ARFGEF3: variants seen among roughly 807,000 people sequenced by gnomAD.
ARFGEF3 encodes brefeldin A-inhibited guanine nucleotide-exchange protein 3.
ARFGEF3 carries 96 observed loss-of-function variants against 221.7 expected under a neutral mutation model. The ratio of observed to expected loss-of-function variants is 0.43; its 90% CI spans 0.37 to 0.51. The LOEUF is 0.51. ARFGEF3 is among the 20% of genes least tolerant of loss of function. ARFGEF3 has a pLI of 0.00. For missense variants in ARFGEF3, 2,410 were observed against 2,789.9 expected, an observed-to-expected ratio of 0.86 and a Z score of 3.07; for synonymous variants, 1,145 against 1,126.8, an observed-to-expected ratio of 1.02 and a Z score of -0.32.
Position 138,170,677 on chromosome 6 carries a change from T to G in ARFGEF3, c.101T>G (p.Leu34Arg), listed in dbSNP as rs1776810588. 6.3e-7 allele frequency: 1 copy of G among 1,583,532 alleles called. No homozygotes were observed. Among genetic ancestry groups the G allele is most frequent in the African/African-American group, 1.3e-5 (1 of 74,228 alleles). ...CTWALETLGG[L>R]DTIVKIPPHV... Reference sequence around the variant, plus strand: ...TCTTTTGCAGAAACTCTAGGTGGTCTGGATACCATTGTCAAGATCCCTCCA... The same window carrying G: ...TCTTTTGCAGAAACTCTAGGTGGTCGGGATACCATTGTCAAGATCCCTCCA... The change falls in exon 2 of 34, where the codon CTG (leucine) becomes CGG (arginine). Residue 34 changes from leucine to arginine, a missense_variant. This residue lies in a region of ARFGEF3 where 570 missense variants were observed against 586.9 expected (regional missense o/e 0.97). Coordinates refer to ENST00000251691, the MANE Select transcript of ARFGEF3 (RefSeq NM_020340.5).
intron 3 of ARFGEF3, 116 bp from the exon 4 acceptor site, chr6:138,209,794 C>T (rs1583012199): frequency 7.6e-7 from 1 of 1,313,550 alleles, no homozygotes; most frequent in Non-Finnish European, 1.1e-6. Context: ...TCTTAATGGC[C>T]TCCAGCTACA....
Position 138,340,785 on chromosome 6 carries a change from A to G in ARFGEF3, c.*4299A>G, listed in dbSNP as rs1208740972. On this transcript the variant is annotated 3_prime_UTR_variant, in exon 34 of 34. Transcript: ENST00000251691. ...TCAAGGGCCATACTCTCTCTCTGACAACATGCTCTAAGTCCATAGAGTAAG... is the reference window on the plus strand; with the variant it reads ...TCAAGGGCCATACTCTCTCTCTGACGACATGCTCTAAGTCCATAGAGTAAG... 3 of 152,210 alleles carry G rather than the reference A, an allele frequency of 2.0e-5. No individual in the cohort carries two copies. The highest frequency in any genetic ancestry group is 4.4e-5 in the Non-Finnish European group (3 of 68,040). The allele number at this position is 152,210 out of a possible 1,614,324, so 9.4% of individuals were successfully genotyped here. A position where few individuals can be genotyped will look rare whatever the true frequency, so the allele number is the denominator to read the frequency against.
In ARFGEF3 at chr6:138,190,048, C is replaced by T. The variant is rs183106863; in HGVS notation, c.138-16994C>T. On this transcript the variant is annotated intron_variant, in intron 2 of 33. Coordinates refer to ENST00000251691, the MANE Select transcript of ARFGEF3 (RefSeq NM_020340.5). ...GCAGTGAACCATGATTGAGCCACTG[C>T]ACTCTAACCTGGGCAACAGGACAAG... 9.6e-4 allele frequency among the ~76,000 whole-genome samples: 142 copies of T among 148,390 alleles called. 1 individual carries two copies. The highest frequency in any genetic ancestry group is 1.5e-3 in the Admixed American group (23 of 14,964).
chr6:138,170,475 G>A (rs1349424583), intron 1 of ARFGEF3, among the ~76,000 whole-genome samples, 187 bp from the exon 2 acceptor site: 1 of 152,170 alleles, frequency 6.6e-6, no homozygotes, highest in African/African-American at 2.4e-5. Context: ...AAGGTCCAGG[G>A]AAATCTCTGG....
chr6:138,294,641 T>G (rs1286711901), intron 20 of ARFGEF3, among the ~76,000 whole-genome samples: 2 of 152,194 alleles, frequency 1.3e-5, no homozygotes, highest in Non-Finnish European at 2.9e-5. Flanking sequence ...CCCTGTTGTC[T>G]CCAATGAGGC....
chr6:138,165,540 C>T (rs36051223), intron 1 of ARFGEF3, among the ~76,000 whole-genome samples: 7,117 of 151,136 alleles, frequency 0.047, 241 homozygotes, highest in Non-Finnish European at 0.077. Context: ...CCTCTGAGAC[C>T]CTCATGAGAG....
intron 5 of ARFGEF3, among the ~76,000 whole-genome samples, chr6:138,230,834 CTG>C (rs1778178952): frequency 1.3e-5 from 2 of 152,136 alleles, no homozygotes; most frequent in Admixed American, 6.5e-5. Context: ...TATGTATACT[CTG>C]TATTTGTTTT....
At chr6:138,288,984 A>G (rs1779349135) in intron 17 of ARFGEF3, among the ~76,000 whole-genome samples, 2 of 151,150 alleles carry the variant, frequency 1.3e-5, no homozygotes, top group African/African-American at 4.9e-5. Flanking sequence ...ACCGAGTTTC[A>G]CTCTTGTTGC....
At chr6:138,326,361 T>A (rs1228908334) in intron 31 of ARFGEF3, among the ~76,000 whole-genome samples, 1 of 152,128 alleles carries the variant, frequency 6.6e-6, no homozygotes, top group African/African-American at 2.4e-5. Flanking sequence ...GGCAGGAGGA[T>A]TGCTTGAGCC....
At position 138,210,002 on chromosome 6, in the gene ARFGEF3, G is replaced by T. The variant is rs769362995; in HGVS notation, c.312G>T (p.Thr104=). Residue 104 remains threonine (T), a synonymous_variant, in exon 4 of 34, where the codon ACG becomes ACT. Transcript: ENST00000251691. Reference sequence around the variant, plus strand: ...AGATACTGAATGCCGTGAAAGTGACGCCTTCGCTCAACGAGGACCTGCAGG... The same window carrying T: ...AGATACTGAATGCCGTGAAAGTGACTCCTTCGCTCAACGAGGACCTGCAGG... ...LNQILNAVKV[T]PSLNEDLQVE... is the part of the protein sequence containing the mutation. 1.2e-6 allele frequency: 2 copies of T among 1,613,808 alleles called. No individual in the cohort carries two copies. The highest frequency in any genetic ancestry group is 8.5e-7 in the Non-Finnish European group (1 of 1,179,786).
intron 3 of ARFGEF3, among the ~76,000 whole-genome samples, chr6:138,208,969 G>C (rs1777671026): frequency 6.6e-6 from 1 of 152,132 alleles, no homozygotes; most frequent in African/African-American, 2.4e-5. Context: ...TGAAGGAGTA[G>C]AAGTTGTGGG....
At chr6:138,272,776 G>GT (rs1779028249) in intron 12 of ARFGEF3, among the ~76,000 whole-genome samples, 1 of 152,256 alleles carries the variant, frequency 6.6e-6, no homozygotes, top group Non-Finnish European at 1.5e-5. Context: ...GTTGCTGAGA[G>GT]TGGGTGTAAG....
At chr6:138,173,994 A>T (rs1006034352) in intron 2 of ARFGEF3, among the ~76,000 whole-genome samples, 4 of 152,234 alleles carry the variant, frequency 2.6e-5, no homozygotes, top group Admixed American at 6.5e-5. Context: ...TCTATCAAGC[A>T]TTCTTGTACA....
Position 138,255,546 on chromosome 6 carries a change from C to G in ARFGEF3, c.881C>G (p.Ala294Gly), listed in dbSNP as rs778211953. 7 of 1,613,928 alleles carry G rather than the reference C, an allele frequency of 4.3e-6. No homozygotes were observed. The highest frequency in any genetic ancestry group is 5.9e-6 in the Non-Finnish European group (7 of 1,179,908). ...AGTACCAGCCTGGAGTCGGACTCTG[C>G]GTCTCCGGGAGTGTCTGACCACGGC... ...STSTSLESDS[A>G]SPGVSDHGRG... The change falls in exon 10 of 34, where the codon GCG becomes GGG. Residue 294 changes from alanine (A) to glycine (G), a missense_variant. Physicochemically the swap from Ala to Gly is moderately conservative, Grantham distance 60. Coordinates refer to ENST00000251691, the MANE Select transcript of ARFGEF3 (RefSeq NM_020340.5).
At chr6:138,194,989 ATTTTTTTTTTTTTTTT>A (rs747099029) in intron 2 of ARFGEF3, among the ~76,000 whole-genome samples, 1 of 84,130 alleles carries the variant, frequency 1.2e-5, no homozygotes, top group Non-Finnish European at 2.1e-5. Flanking sequence ...CTTTTCCCTA[ATTTTTTTTTTTTTTTT>A]TTTTTTTTTT....
rs61748670 is a variant in ARFGEF3 at position 138,323,746 on chromosome 6, G to A, written c.4842G>A (p.Ala1614=). 2.0e-3 allele frequency: 3,170 copies of A among 1,613,960 alleles called. 50 individuals are homozygous for A. The African/African-American group carries it at 0.037, about 19-fold the overall frequency. Reference sequence around the variant, plus strand: ...TTGCCTGCTGTGCCCTGCAAGATGCGTTCTCTGCCACACTCAAGCCAGTGA... The same window carrying A: ...TTGCCTGCTGTGCCCTGCAAGATGCATTCTCTGCCACACTCAAGCCAGTGA... The part of the protein sequence containing the change: ...WRLACCALQD[A]FSATLKPVKD... The change falls in exon 30 of 34, where the codon GCG becomes GCA. Residue 1614 remains alanine (A), a synonymous_variant. Transcript: ENST00000251691.
chr6:138,291,227 T>C lies in ARFGEF3; in HGVS notation c.3048-506T>C, dbSNP rs1056417940. Among the ~76,000 whole-genome samples, 4 of 152,140 alleles carry C rather than the reference T, an allele frequency of 2.6e-5. No individual in the cohort carries two copies. The highest frequency in any genetic ancestry group is 2.0e-4 in the Admixed American group (3 of 15,286). ...ACCCACCCCACCCAGACTTGAGTTA[T>C]GTGGCGCCGTCGGGACCAGGCAGGA... On this transcript the variant is annotated intron_variant, in intron 18 of 33. Coordinates refer to ENST00000251691, the MANE Select transcript of ARFGEF3 (RefSeq NM_020340.5). This position sits in a 1 kb window ranked among gnomAD's most constrained non-coding sequence, Gnocchi z 4.5.
chr6:138,163,048 T>G (rs540389329), intron 1 of ARFGEF3, among the ~76,000 whole-genome samples: 10 of 152,174 alleles, frequency 6.6e-5, no homozygotes, highest in Non-Finnish European at 1.5e-4. Context: ...AAAATGAAAT[T>G]GACTCCCTTT....
chr6:138,168,913 T>A (rs1776772413), intron 1 of ARFGEF3, among the ~76,000 whole-genome samples: 1 of 152,196 alleles, frequency 6.6e-6, no homozygotes, highest in African/African-American at 2.4e-5. Context: ...TCGTGTCTGT[T>A]CTCACCACTG....
Sources: allele counts gnomAD v4.1 joint callset (sites outside exome capture counted in the v4.1 genomes callset), GRCh38; gene constraint gnomAD v4.1.1; regional missense constraint gnomAD v4.1.1; non-coding constraint Gnocchi (gnomAD v3.1); transcripts MANE v1.5; gene names NCBI Gene and HGNC (gene_info 2026-07-23, HGNC 2026-07-21).